Variants in PLCB4 observed in about 807,000 individuals in gnomAD.
PLCB4 encodes the protein phospholipase C beta 4, also known as 1-phosphatidylinositol 4,5-bisphosphate phosphodiesterase beta-4.
Under a neutral mutation model 178.8 loss-of-function variants are expected in PLCB4, and 77 were observed. The observed-to-expected ratio is 0.43, with a 90% CI of 0.36 to 0.52. The LOEUF is 0.52. Ranked by LOEUF, PLCB4 falls within the 20% of genes least tolerant of loss-of-function variation. PLCB4 has a pLI of 0.00. For missense variants in PLCB4, 1,024 were observed against 1,453.4 expected (o/e 0.70, Z 4.80); for synonymous variants, 496 against 490.8 (o/e 1.01, Z -0.14).
At position 9,204,901 on chromosome 20, in the gene PLCB4, TG is replaced by T. The variant is rs576065151; in HGVS notation, c.-78-12488del. On this transcript the variant is annotated intron_variant, in intron 2 of 39. Transcript: ENST00000378473. The stretch of plus-strand genomic sequence containing the variant: ...TACGTTGGATTCCAAAGACTCAGAA[TG>T]AAAAAAAAAACCCGAATTTAAAATT... Among the ~76,000 whole-genome samples, 52 of 150,990 alleles carry T rather than the reference TG, an allele frequency of 3.4e-4. No homozygotes were observed. The East Asian group carries it at 9.7e-3, about 28-fold the overall frequency.
intron 1 of PLCB4, among the ~76,000 whole-genome samples, chr20:9,077,644 T>C (rs1055774537): frequency 1.3e-5 from 2 of 151,996 alleles, no homozygotes; most frequent in Non-Finnish European, 2.9e-5. Context: ...AATCAGAGAG[T>C]TGAAAATCTA....
chr20:9,078,862 G>C (rs931482350), intron 1 of PLCB4, among the ~76,000 whole-genome samples: 3 of 152,170 alleles, frequency 2.0e-5, no homozygotes, highest in Non-Finnish European at 4.4e-5. Context: ...GTCTTGATTA[G>C]ATAAATGACA....
chr20:9,185,195 G>A lies in PLCB4; in HGVS notation c.-78-32195G>A, dbSNP rs568485974. Reference sequence around the variant, plus strand: ...TTGGATTATAGGTGAGAGCTACCACGCCCAGCCTAAGACTTTGCTTCCTTG... The same window carrying A: ...TTGGATTATAGGTGAGAGCTACCACACCCAGCCTAAGACTTTGCTTCCTTG... On this transcript the variant is annotated intron_variant, in intron 2 of 39. Transcript: ENST00000378473. 2.1e-3 allele frequency among the ~76,000 whole-genome samples: 323 copies of A among 152,292 alleles called. 3 individuals carry two copies. The highest frequency in any genetic ancestry group is 6.7e-3 in the African/African-American group (277 of 41,562).
chr20:9,256,346 G>A (rs563207356), intron 3 of PLCB4, among the ~76,000 whole-genome samples: 57 of 152,242 alleles, frequency 3.7e-4, no homozygotes, highest in Admixed American at 2.0e-3. Flanking sequence ...TCATGGTTGC[G>A]AGATACATCC....
chr20:9,379,509 T>C (rs1682844224), intron 12 of PLCB4, among the ~76,000 whole-genome samples: 1 of 152,110 alleles, frequency 6.6e-6, no homozygotes, highest in African/African-American at 2.4e-5. Flanking sequence ...CTCAAGAAAA[T>C]GAAATTTGTT....
intron 3 of PLCB4, among the ~76,000 whole-genome samples, chr20:9,262,332 T>TGA (rs138950513): frequency 5.6e-4 from 82 of 145,908 alleles, no homozygotes; most frequent in Admixed American, 4.0e-3. Flanking sequence ...AGTGAGTGAG[T>TGA]GAGAGAGAGA....
intron 32 of PLCB4, among the ~76,000 whole-genome samples, chr20:9,447,770 C>A (rs191298059): frequency 6.6e-6 from 1 of 152,164 alleles, no homozygotes; most frequent in East Asian, 1.9e-4. Context: ...AAATTCAGCC[C>A]GGCTTGAGAA....
chr20:9,277,204 G>A (rs1417547426), intron 3 of PLCB4, among the ~76,000 whole-genome samples: 1 of 152,010 alleles, frequency 6.6e-6, no homozygotes, highest in African/African-American at 2.4e-5. Context: ...TTTTTGAAGA[G>A]TAAACATGTT....
At chr20:9,136,154 TCA>T (rs1181503168) in intron 2 of PLCB4, among the ~76,000 whole-genome samples, 1 of 152,056 alleles carries the variant, frequency 6.6e-6, no homozygotes, top group African/African-American at 2.4e-5. Flanking sequence ...CACAATATCC[TCA>T]CACTCTAAAG....
Position 9,372,308 on chromosome 20 carries a change from T to C in PLCB4, c.591T>C (p.Asp197=), listed in dbSNP as rs532652161. The C allele has an allele frequency of 7.7e-6, 12 of 1,554,928 alleles. No homozygotes were observed. The South Asian group carries it at 1.0e-4, about 13-fold the overall frequency. The change falls in exon 11 of 40, where the codon GAT becomes GAC. Residue 197 remains aspartate (D), a synonymous_variant. Transcript: ENST00000378473. The stretch of plus-strand genomic sequence containing the variant: ...CATGATTTTATTCCTTACAGAATGA[T>C]GAAATTGAGCCCACAGCATTTTCTT... The part of the protein sequence containing the change: ...KELGLPSGKN[D]EIEPTAFSYE...
intron 2 of PLCB4, among the ~76,000 whole-genome samples, chr20:9,100,925 T>C (rs1042563061): frequency 1.3e-5 from 2 of 152,066 alleles, no homozygotes; most frequent in Non-Finnish European, 2.9e-5. Context: ...AATGCTACGG[T>C]GTGTCGCCCG....
At chr20:9,310,071 T>C (rs1425696697) in intron 4 of PLCB4, among the ~76,000 whole-genome samples, 1 of 152,148 alleles carries the variant, frequency 6.6e-6, no homozygotes, top group Non-Finnish European at 1.5e-5. Context: ...ACCACAAAGC[T>C]GAAGAATATT....
At chr20:9,082,755 T>TG (rs2090214489) in intron 1 of PLCB4, among the ~76,000 whole-genome samples, 2 of 152,186 alleles carry the variant, frequency 1.3e-5, no homozygotes, top group East Asian at 3.8e-4. Flanking sequence ...TCTGTCCATT[T>TG]TTCATTTCCT....
intron 3 of PLCB4, among the ~76,000 whole-genome samples, chr20:9,232,083 A>G (rs535420883): frequency 6.6e-6 from 1 of 152,270 alleles, no homozygotes; most frequent in African/African-American, 2.4e-5. Context: ...TAATTTATAG[A>G]ATGTTCTAGA....
intron 3 of PLCB4, among the ~76,000 whole-genome samples, chr20:9,260,318 T>C (rs1304654911): frequency 6.6e-6 from 1 of 152,148 alleles, no homozygotes; most frequent in African/African-American, 2.4e-5. Flanking sequence ...TTGATTTTCA[T>C]TTTCTTAATA....
chr20:9,144,459 G>T (rs566248261), intron 2 of PLCB4, among the ~76,000 whole-genome samples: 1 of 151,530 alleles, frequency 6.6e-6, no homozygotes, highest in Non-Finnish European at 1.5e-5. Context: ...AAATTGTTTT[G>T]GATTTTTCTA....
intron 3 of PLCB4, among the ~76,000 whole-genome samples, chr20:9,287,591 T>C (rs892366004): frequency 2.0e-5 from 3 of 152,090 alleles, no homozygotes; most frequent in African/African-American, 7.2e-5. Context: ...TGAAAATGGT[T>C]GTAATATTTT....
chr20:9,334,932 G>T (rs1367608281), intron 4 of PLCB4, among the ~76,000 whole-genome samples: 4 of 152,052 alleles, frequency 2.6e-5, no homozygotes, highest in African/African-American at 9.7e-5. Context: ...TTGTATTTAA[G>T]GAGGCCAAGG....
intron 7 of PLCB4, among the ~76,000 whole-genome samples, chr20:9,356,952 CA>C (rs1046425978): frequency 2.0e-5 from 3 of 151,950 alleles, no homozygotes; most frequent in Non-Finnish European, 4.4e-5. Context: ...CCCATCTCTG[CA>C]AAAAATACCA....
Sources: gnomAD v4.1 joint callset for allele counts (sites outside exome capture counted in the v4.1 genomes callset) on GRCh38, gnomAD v4.1.1 for gene constraint, MANE v1.5 for transcripts, NCBI Gene and HGNC (gene_info 2026-07-23, HGNC 2026-07-21) for gene names.